DSCAML1: variants seen among roughly 807,000 people sequenced by gnomAD.
The protein encoded by DSCAML1 is DS cell adhesion molecule like 1.
DSCAML1 carries 38 observed loss-of-function variants against 200.5 expected under a neutral mutation model. That is an observed-to-expected ratio of 0.19 (90% CI 0.15 to 0.25). The LOEUF (loss-of-function observed/expected upper bound fraction) is 0.25, where lower values mean the gene tolerates loss of function less well. Ranked by LOEUF, DSCAML1 falls within the 10% of genes least tolerant of loss-of-function variation. The pLI, the probability that DSCAML1 is intolerant of heterozygous loss-of-function variation, is 1.00. For missense variants in DSCAML1, 2,223 were observed against 2,858.8 expected (o/e 0.78, Z 5.07); for synonymous variants, 1,215 against 1,165.0 (o/e 1.04, Z -0.87).
intron 32 of DSCAML1, 66 bp downstream of exon 32, chr11:117,430,656 C>T: frequency 6.6e-7 from 1 of 1,525,676 alleles, no homozygotes; most frequent in Non-Finnish European, 8.8e-7. Context: ...TAGATCTAGC[C>T]AGGGCTCATG....
rs545495801 is a variant in DSCAML1 at position 117,653,078 on chromosome 11, A to G, written c.512-120556T>C. 6.6e-5 allele frequency among the ~76,000 whole-genome samples: 10 copies of G among 152,240 alleles called. No individual in the cohort carries two copies. In the East Asian group the frequency reaches 1.9e-3, roughly 29 times the overall value. ...AGAAGCTGTGAATGGAATTGTTGCT[A>G]CAGGCCCCTCCCCAACTTAGGACAA... On this transcript the variant is annotated intron_variant, in intron 3 of 32. Transcript: ENST00000651296.
At chr11:117,595,088 A>ACACACACACACG (rs1356090912) in intron 3 of DSCAML1, among the ~76,000 whole-genome samples, 1 of 151,070 alleles carries the variant, frequency 6.6e-6, no homozygotes, top group African/African-American at 2.4e-5. Context: ...ACACACACAC[A>ACACACACACACG]CCCTTTGATA....
Position 117,439,259 on chromosome 11 carries a change from G to C in DSCAML1, c.4144+7C>G, listed in dbSNP as rs1486066097. 6.2e-7 allele frequency: 1 copy of C among 1,613,692 alleles called. No homozygotes were observed. The stretch of plus-strand genomic sequence containing the variant: ...CACCTGGGGTCACCTGCCTCACAGA[G>C]CCTCACCTTGCACCAGAAGGTTGAC... On this transcript the variant is annotated splice_region_variant and intron_variant, in intron 23 of 32. Transcript: ENST00000651296.
chr11:117,708,020 G>A (rs1279977272), intron 3 of DSCAML1, among the ~76,000 whole-genome samples: 2 of 152,176 alleles, frequency 1.3e-5, no homozygotes, highest in Non-Finnish European at 1.5e-5. Flanking sequence ...CAATGGCAAA[G>A]TGAAGCTAGC....
chr11:117,511,398 C>T (rs1299743828), intron 8 of DSCAML1, among the ~76,000 whole-genome samples: 2 of 152,206 alleles, frequency 1.3e-5, no homozygotes, highest in Admixed American at 6.5e-5. Flanking sequence ...AAAGGGGCCC[C>T]AGTTGCAGCC....
intron 3 of DSCAML1, among the ~76,000 whole-genome samples, chr11:117,760,174 T>C (rs1482808726): frequency 2.0e-5 from 3 of 152,240 alleles, no homozygotes; most frequent in African/African-American, 7.2e-5. Flanking sequence ...TGGTTTGTTT[T>C]CTAATGATAA....
intron 3 of DSCAML1, among the ~76,000 whole-genome samples, chr11:117,727,923 T>C (rs973622331): frequency 6.6e-6 from 1 of 152,210 alleles, no homozygotes; most frequent in Non-Finnish European, 1.5e-5. Flanking sequence ...ATGGGAAAGA[T>C]GGAGCCAAGG....
At chr11:117,643,389 C>A (rs557477893) in intron 3 of DSCAML1, among the ~76,000 whole-genome samples, 1 of 152,298 alleles carries the variant, frequency 6.6e-6, no homozygotes, top group Admixed American at 6.5e-5. Context: ...ACATTCCTGT[C>A]TTTTGTACCA....
At chr11:117,557,462 G>A (rs1419706232) in intron 3 of DSCAML1, among the ~76,000 whole-genome samples, 1 of 152,172 alleles carries the variant, frequency 6.6e-6, no homozygotes, top group Non-Finnish European at 1.5e-5. Flanking sequence ...TGGGAGCTGG[G>A]TAGAAAGCGA....
At chr11:117,619,447 G>A (rs553779334) in intron 3 of DSCAML1, among the ~76,000 whole-genome samples, 5 of 152,340 alleles carry the variant, frequency 3.3e-5, no homozygotes, top group Non-Finnish European at 7.4e-5. Context: ...ACCCTCCCAG[G>A]CTGGAGGGTC....
At chr11:117,605,307 G>A (rs1002435492) in intron 3 of DSCAML1, among the ~76,000 whole-genome samples, 37 of 152,016 alleles carry the variant, frequency 2.4e-4, no homozygotes, top group African/African-American at 9.0e-4. Context: ...AGACTGGAAA[G>A]ATGGGGTTGA....
intron 3 of DSCAML1, among the ~76,000 whole-genome samples, chr11:117,599,149 A>C (rs2051418714): frequency 1.7e-5 from 1 of 60,386 alleles, no homozygotes; most frequent in African/African-American, 9.4e-5. Context: ...CTCACAGGTG[A>C]ATTTCACCTC....
intron 3 of DSCAML1, among the ~76,000 whole-genome samples, chr11:117,663,313 T>C (rs1468314199): frequency 6.6e-6 from 1 of 152,126 alleles, no homozygotes; most frequent in Non-Finnish European, 1.5e-5. Flanking sequence ...TGCTCCCACC[T>C]TTCCCCCAAA....
chr11:117,705,773 A>C (rs1372560027), intron 3 of DSCAML1, among the ~76,000 whole-genome samples: 1 of 152,220 alleles, frequency 6.6e-6, no homozygotes, highest in Non-Finnish European at 1.5e-5. Flanking sequence ...TTGGGATTCT[A>C]AATTCCCAAG....
rs1349996859 is a variant in DSCAML1 at position 117,664,298 on chromosome 11, T to C, written c.511+112493A>G. ...TGACACTCTAAGGAGCGGTGGCTGC[T>C]GACAGGCTTTCTGAGCAGGTATTTT... On this transcript the variant is annotated intron_variant, in intron 3 of 32. Transcript: ENST00000651296. 3.9e-5 allele frequency among the ~76,000 whole-genome samples: 6 copies of C among 152,378 alleles called. No individual in the cohort carries two copies. The East Asian group carries it at 9.6e-4, about 24-fold the overall frequency.
chr11:117,536,210 C>T (rs754617803), intron 3 of DSCAML1, among the ~76,000 whole-genome samples: 4 of 152,148 alleles, frequency 2.6e-5, no homozygotes, highest in Non-Finnish European at 4.4e-5. Context: ...GAGCATCGGA[C>T]GGTGGACCCT....
chr11:117,713,638 T>C lies in DSCAML1; in HGVS notation c.511+63153A>G, dbSNP rs559838688. Among the ~76,000 whole-genome samples, 9 of 152,366 alleles carry C rather than the reference T, an allele frequency of 5.9e-5. No individual in the cohort carries two copies. The South Asian group carries it at 1.4e-3, about 25-fold the overall frequency. On this transcript the variant is annotated intron_variant, in intron 3 of 32. Transcript: ENST00000651296. ...GAGGTCAGAGCTTGACTGAGCTTAATAGATTCATTAATTATACCAAACAAA... is the reference window on the plus strand; with the variant it reads ...GAGGTCAGAGCTTGACTGAGCTTAACAGATTCATTAATTATACCAAACAAA...
rs71037499 is a variant in DSCAML1, at chr11:117,780,304, G to GAAAGAAAGAAAGAAAGAAAGAAAGAA, written c.364+188_364+189insTTCTTTCTTTCTTTCTTTCTTTCTTT. On this transcript the variant is annotated intron_variant, in intron 2 of 32. Coordinates refer to ENST00000651296, the MANE Select transcript of DSCAML1 (RefSeq NM_020693.4). This position sits in a 1 kb window ranked among gnomAD's most constrained non-coding sequence, Gnocchi z 4.8. ...AGAAAGAAAGAAAGAAAGAAAGAAA[G>GAAAGAAAGAAAGAAAGAAAGAAAGAA]AGAGAAAGGAGAAAGAAAGGTGTCT... Among the ~76,000 whole-genome samples, 1 of 98,440 alleles carries GAAAGAAAGAAAGAAAGAAAGAAAGAA rather than the reference G, an allele frequency of 1.0e-5. No individual in the cohort carries two copies. The highest frequency in any genetic ancestry group is 3.6e-5 in the African/African-American group (1 of 27,604). The allele number at this position is 98,440 out of a possible 152,430, so 64.6% of individuals were successfully genotyped here. A position where few individuals can be genotyped will look rare whatever the true frequency, so the allele number is the denominator to read the frequency against.
At chr11:117,670,820 G>A (rs1267221405) in intron 3 of DSCAML1, among the ~76,000 whole-genome samples, 2 of 152,188 alleles carry the variant, frequency 1.3e-5, no homozygotes. Flanking sequence ...GAAGGCAGGA[G>A]CAAACCTGTC....
Sources: gnomAD v4.1 joint callset for allele counts (sites outside exome capture counted in the v4.1 genomes callset) on GRCh38, gnomAD v4.1.1 for gene constraint, Gnocchi (gnomAD v3.1) non-coding constraint, MANE v1.5 for transcripts, NCBI Gene and HGNC (gene_info 2026-07-23, HGNC 2026-07-21) for gene names.